CNTNAP4: variants seen among roughly 807,000 people sequenced by gnomAD.
CNTNAP4 encodes contactin-associated protein-like 4.
A neutral mutation model predicts 148.4 loss-of-function variants in CNTNAP4; 98 were observed. That is an observed-to-expected ratio of 0.66 (90% CI 0.56 to 0.78). The LOEUF is 0.78. Among genes scored for constraint, CNTNAP4 ranks in the 30% least tolerant of loss-of-function variants. The pLI, the probability that CNTNAP4 is intolerant of heterozygous loss-of-function variation, is 0.00. For synonymous variants in CNTNAP4, 730 were observed against 565.1 expected (o/e 1.29, Z -4.14); for missense variants, 1,935 against 1,565.6 (o/e 1.24, Z -3.98).
chr16:76,537,520 A>C (rs1332464122), intron 18 of CNTNAP4, among the ~76,000 whole-genome samples: 1 of 152,082 alleles, frequency 6.6e-6, no homozygotes, highest in Non-Finnish European at 1.5e-5. Flanking sequence ...AAAATACTAC[A>C]CTTTTGTAAA....
chr16:76,285,932 C>G (rs1414421308), intron 1 of CNTNAP4, among the ~76,000 whole-genome samples: 1 of 151,792 alleles, frequency 6.6e-6, no homozygotes, highest in East Asian at 1.9e-4. Flanking sequence ...ATTGCCTTTG[C>G]TATACCAGGC....
chr16:76,314,825 A>C (rs551380469), intron 1 of CNTNAP4, among the ~76,000 whole-genome samples: 220 of 152,318 alleles, frequency 1.4e-3, no homozygotes, highest in African/African-American at 5.1e-3. Context: ...GCATTCCATC[A>C]CATTAAAACT....
intron 4 of CNTNAP4, among the ~76,000 whole-genome samples, chr16:76,430,604 C>T (rs1005605426): frequency 2.6e-5 from 4 of 152,072 alleles, no homozygotes; most frequent in Admixed American, 2.0e-4. Context: ...TCATCCATGC[C>T]CAACAAAGTA....
chr16:76,494,887 C>T (rs1043204935), intron 13 of CNTNAP4, 23 bp from the exon 14 acceptor site: 1 of 1,608,856 alleles, frequency 6.2e-7, no homozygotes, highest in African/African-American at 1.3e-5. Context: ...ACAGATGTCA[C>T]ATTTTTCACG....
rs186522224 is a variant in CNTNAP4 at position 76,340,968 on chromosome 16, C to T, written c.197-14350C>T. Among the ~76,000 whole-genome samples the T allele has an allele frequency of 1.4e-4, 22 of 152,298 alleles. No homozygotes were observed. The East Asian group carries it at 3.7e-3, about 25-fold the overall frequency. On this transcript the variant is annotated intron_variant, in intron 2 of 23. Coordinates refer to ENST00000611870, the MANE Select transcript of CNTNAP4 (RefSeq NM_033401.5). ...TTGGCTCCTGCTCACCATTTCAGTC[C>T]CATCTTTCAACAGTCAGTCCAATTT...
rs2013939206 is a variant in CNTNAP4, at chr16:76,365,024, T to G, written c.390+9513T>G. Among the ~76,000 whole-genome samples the G allele has an allele frequency of 2.0e-5, 3 of 152,242 alleles. No homozygotes were observed. In the South Asian group the frequency reaches 6.2e-4, roughly 31 times the overall value. On this transcript the variant is annotated intron_variant, in intron 3 of 23. Coordinates refer to ENST00000611870, the MANE Select transcript of CNTNAP4 (RefSeq NM_033401.5). ...TGGTTATAGGTCTTACGTTTAAGTC[T>G]TTAATCCATCTTGAGTTAATTTTTG...
intron 15 of CNTNAP4, 23 bp from the exon 16 acceptor site, chr16:76,521,117 T>C (rs892118525): frequency 1.4e-6 from 2 of 1,417,590 alleles, no homozygotes; most frequent in Non-Finnish European, 9.1e-7. Flanking sequence ...AATTTTTTTT[T>C]CTTTTTTTTT....
At chr16:76,525,501 T>A (rs1212236411) in intron 17 of CNTNAP4, among the ~76,000 whole-genome samples, 1 of 147,838 alleles carries the variant, frequency 6.8e-6, no homozygotes, top group African/African-American at 2.4e-5. Flanking sequence ...ATATATAGTT[T>A]TTATAGTTTA....
In CNTNAP4 at chr16:76,558,669, G is replaced by T. The variant is rs775517014; in HGVS notation, c.3913G>T (p.Glu1305Ter). 139 of 1,606,180 alleles carry T rather than the reference G, an allele frequency of 8.7e-5. No homozygotes were observed. Among genetic ancestry groups the T allele is most frequent in the Non-Finnish European group, 1.0e-4 (121 of 1,175,848 alleles). ...IQNAVNENQK[E>*]YFF ...AAATGCAGTCAATGAAAATCAGAAA[G>T]AGTACTTCTTCTGATTGGCAGCTAT... is the stretch of plus-strand genomic sequence containing the variant. The change falls in exon 24 of 24, where the codon GAG becomes TAG. Residue 1305 changes from glutamate to a stop codon, truncating the protein, a stop_gained. Transcript: ENST00000611870. LOFTEE classifies it high-confidence loss of function.
chr16:76,367,190 T>C (rs12930031), intron 3 of CNTNAP4, among the ~76,000 whole-genome samples: 39,845 of 151,794 alleles, frequency 0.26, 5,937 homozygotes, highest in Non-Finnish European at 0.34. Flanking sequence ...TAATACATAT[T>C]TAAGGAAATA....
rs567892086 is a variant in CNTNAP4 at position 76,504,007 on chromosome 16, A to G, written c.2365+5313A>G. On this transcript the variant is annotated intron_variant, in intron 15 of 23. Transcript: ENST00000611870. ...AATTAAAAGATTTGATAAGATGTCAATTTTTCCCAAATTTATATATAGACT... is the reference window on the plus strand; with the variant it reads ...AATTAAAAGATTTGATAAGATGTCAGTTTTTCCCAAATTTATATATAGACT... 3.6e-3 allele frequency among the ~76,000 whole-genome samples: 541 copies of G among 152,126 alleles called. 2 individuals are homozygous for G. The highest frequency in any genetic ancestry group is 0.012 in the African/African-American group (517 of 41,554).
At chr16:76,301,954 C>G (rs1284528720) in intron 1 of CNTNAP4, among the ~76,000 whole-genome samples, 5 of 152,048 alleles carry the variant, frequency 3.3e-5, no homozygotes, top group African/African-American at 1.2e-4. Flanking sequence ...GGAGTTTTGG[C>G]TCTCTGACAT....
chr16:76,481,176 GA>G (rs2081814289), intron 12 of CNTNAP4, among the ~76,000 whole-genome samples: 1 of 152,178 alleles, frequency 6.6e-6, no homozygotes, highest in African/African-American at 2.4e-5. Flanking sequence ...AGTGCTGGTG[GA>G]ATTTGTACTT....
At chr16:76,412,491 G>A (rs920911220) in intron 3 of CNTNAP4, among the ~76,000 whole-genome samples, 2 of 151,204 alleles carry the variant, frequency 1.3e-5, no homozygotes, top group Admixed American at 1.3e-4. Flanking sequence ...AATTCCATTT[G>A]TTCCACATTC....
At chr16:76,385,698 A>G (rs930256117) in intron 3 of CNTNAP4, among the ~76,000 whole-genome samples, 7 of 152,222 alleles carry the variant, frequency 4.6e-5, no homozygotes, top group African/African-American at 1.4e-4. Context: ...TCTGACTGCA[A>G]TATTTTTGTC....
intron 1 of CNTNAP4, among the ~76,000 whole-genome samples, chr16:76,312,962 C>A (rs141046299): frequency 6.6e-6 from 1 of 152,198 alleles, no homozygotes; most frequent in African/African-American, 2.4e-5. Context: ...AATAAACATA[C>A]AACAGATTGT....
chr16:76,416,086 A>G (rs918092657), intron 3 of CNTNAP4, among the ~76,000 whole-genome samples: 1 of 150,946 alleles, frequency 6.6e-6, no homozygotes, highest in Admixed American at 6.6e-5. Flanking sequence ...TCTGATATCC[A>G]TGGGCTCAAT....
intron 10 of CNTNAP4, among the ~76,000 whole-genome samples, chr16:76,471,877 G>A (rs1204473738): frequency 1.3e-5 from 2 of 152,110 alleles, no homozygotes; most frequent in African/African-American, 4.8e-5. Context: ...TTATCCTAGC[G>A]CTCATTGGCA....
intron 2 of CNTNAP4, among the ~76,000 whole-genome samples, chr16:76,324,969 A>G (rs1242865747): frequency 1.3e-5 from 2 of 152,242 alleles, no homozygotes; most frequent in African/African-American, 2.4e-5. Flanking sequence ...AGCCCATAGT[A>G]GTTAGCTACA....
Sources: allele counts gnomAD v4.1 joint callset (sites outside exome capture counted in the v4.1 genomes callset), GRCh38; gene constraint gnomAD v4.1.1; transcripts MANE v1.5; gene names NCBI Gene and HGNC (gene_info 2026-07-23, HGNC 2026-07-21).